ENOX2: variants seen among roughly 807,000 people sequenced by gnomAD.
The protein encoded by ENOX2 is ecto-NOX disulfide-thiol exchanger 2, also known as APK1 antigen.
In ENOX2, 36 loss-of-function variants were observed where a neutral mutation model predicts 45.0. The ratio of observed to expected loss-of-function variants is 0.80; its 90% CI spans 0.61 to 1.06. The LOEUF (loss-of-function observed/expected upper bound fraction) is 1.06, where lower values mean the gene tolerates loss of function less well. Among genes scored for constraint, ENOX2 ranks in the 50% least tolerant of loss-of-function variants. The pLI is 0.00. For synonymous variants in ENOX2, 174 were observed against 152.3 expected (o/e 1.14, Z -1.05); for missense variants, 423 against 462.5 (o/e 0.91, Z 0.78).
At chrX:130,811,144 C>G (rs548934066) in intron 2 of ENOX2, among the ~76,000 whole-genome samples, 39 of 111,072 alleles carry the variant, frequency 3.5e-4, no homozygotes, top group Non-Finnish European at 6.8e-4. Context: ...CATGAGTGGT[C>G]GCAGGTACTA....
At chrX:130,770,414 G>C (rs757597550) in intron 3 of ENOX2, among the ~76,000 whole-genome samples, 4 of 111,883 alleles carry the variant, frequency 3.6e-5, no homozygotes, top group Non-Finnish European at 5.6e-5. Context: ...AATGACTAGA[G>C]AATCTACAAA....
chrX:130,767,072 T>C (rs1031638177), intron 3 of ENOX2, among the ~76,000 whole-genome samples: 2 of 111,621 alleles, frequency 1.8e-5, no homozygotes, highest in African/African-American at 6.5e-5. Flanking sequence ...GGCAGTAAAC[T>C]ATATGTTTAG....
chrX:130,732,993 C>T (rs1370487506), intron 3 of ENOX2, among the ~76,000 whole-genome samples: 4 of 111,906 alleles, frequency 3.6e-5, no homozygotes, highest in Middle Eastern at 4.6e-3. Context: ...CACCAAAGCA[C>T]GTGTAACAAA....
chrX:130,826,728 A>T (rs969631723), intron 2 of ENOX2, among the ~76,000 whole-genome samples: 1 of 112,258 alleles, frequency 8.9e-6, no homozygotes, highest in African/African-American at 3.2e-5. Context: ...CAGTGAAGGA[A>T]GAAAATCCTA....
chrX:130,799,232 G>A (rs923058806), intron 2 of ENOX2, among the ~76,000 whole-genome samples: 2 of 111,560 alleles, frequency 1.8e-5, no homozygotes, highest in African/African-American at 6.5e-5. Context: ...TCTTTCTCCT[G>A]TACTGGATGC....
At chrX:130,791,872 T>C (rs1429167869) in intron 2 of ENOX2, among the ~76,000 whole-genome samples, 1 of 112,241 alleles carries the variant, frequency 8.9e-6, no homozygotes, top group African/African-American at 3.2e-5. Flanking sequence ...ACCAAGACCG[T>C]TACCTGAGAG....
intron 3 of ENOX2, among the ~76,000 whole-genome samples, chrX:130,768,793 T>C (rs754464931): frequency 1.8e-5 from 2 of 111,719 alleles, no homozygotes; most frequent in East Asian, 2.8e-4. Flanking sequence ...AGAACAATTG[T>C]GAGAAATGAT....
chrX:130,883,322 G>A (rs905512912), intron 2 of ENOX2, among the ~76,000 whole-genome samples: 3 of 110,996 alleles, frequency 2.7e-5, no homozygotes, highest in African/African-American at 9.8e-5. Flanking sequence ...CGTTGGCCAC[G>A]CTGGACTCGA....
intron 3 of ENOX2, among the ~76,000 whole-genome samples, chrX:130,779,845 C>G (rs2148389444): frequency 9.0e-6 from 1 of 111,361 alleles, no homozygotes; most frequent in East Asian, 2.8e-4. Flanking sequence ...TATATATACA[C>G]AAACTCATAA....
chrX:130,831,641 G>T (rs1282237796), intron 2 of ENOX2, among the ~76,000 whole-genome samples: 1 of 111,336 alleles, frequency 9.0e-6, no homozygotes, highest in Non-Finnish European at 1.9e-5. Flanking sequence ...CTTTCTCATA[G>T]AAACCTTTTT....
intron 2 of ENOX2, among the ~76,000 whole-genome samples, chrX:130,870,911 A>AGAGGGAGAGG (rs1253756284): frequency 9.4e-6 from 1 of 106,427 alleles, no homozygotes; most frequent in East Asian, 3.0e-4. Flanking sequence ...GGAGGGAGAG[A>AGAGGGAGAGG]GAGGGAGAGG....
intron 5 of ENOX2, among the ~76,000 whole-genome samples, chrX:130,687,861 T>A (rs1235185387): frequency 1.8e-5 from 2 of 112,205 alleles, no homozygotes; most frequent in African/African-American, 6.5e-5. Flanking sequence ...CCATACTAAG[T>A]AAAATCTGGG....
chrX:130,803,052 T>G (rs910830873), intron 2 of ENOX2, among the ~76,000 whole-genome samples: 2 of 112,058 alleles, frequency 1.8e-5, no homozygotes, highest in Non-Finnish European at 3.8e-5. Flanking sequence ...CTGCAGTTTC[T>G]AGACTCCTTC....
intron 3 of ENOX2, among the ~76,000 whole-genome samples, chrX:130,753,646 T>C (rs768780453): frequency 8.9e-6 from 1 of 112,203 alleles, no homozygotes; most frequent in South Asian, 3.7e-4. Context: ...CATGCCTGAC[T>C]TTTATTTCCA....
At chrX:130,726,281 T>TGTA (rs2038602813) in intron 3 of ENOX2, among the ~76,000 whole-genome samples, 1 of 112,005 alleles carries the variant, frequency 8.9e-6, no homozygotes, top group African/African-American at 3.2e-5. Context: ...CCCTTTCCCT[T>TGTA]ATGAGATTTC....
rs149205281 is a variant in ENOX2 at position 130,637,713 on chromosome X, A to T, written c.1130-303T>A. Among the ~76,000 whole-genome samples the T allele has an allele frequency of 8.8e-3, 981 of 111,966 alleles. 12 individuals carry two copies. Among genetic ancestry groups the T allele is most frequent in the African/African-American group, 0.03 (930 of 30,841 alleles). Reference sequence around the variant, plus strand: ...AACAGCCCTATAATAATAATATAGGACCAATTCCCTTGAACTGACAACTGC... The same window carrying T: ...AACAGCCCTATAATAATAATATAGGTCCAATTCCCTTGAACTGACAACTGC... On this transcript the variant is annotated intron_variant, in intron 10 of 14. Coordinates refer to ENST00000394363, the MANE Select transcript of ENOX2 (RefSeq NM_006375.4).
At chrX:130,738,243 C>A (rs1220326081) in intron 3 of ENOX2, among the ~76,000 whole-genome samples, 2 of 112,332 alleles carry the variant, frequency 1.8e-5, no homozygotes, top group African/African-American at 6.5e-5. Flanking sequence ...TGGAAACTTA[C>A]TGTGCTAAAA....
Position 130,742,109 on chromosome X carries a change from G to A in ENOX2, c.-38-38855C>T, listed in dbSNP as rs73635946. Among the ~76,000 whole-genome samples, 534 of 110,626 alleles carry A rather than the reference G, an allele frequency of 4.8e-3. 5 individuals carry two copies. The highest frequency in any genetic ancestry group is 0.017 in the African/African-American group (515 of 30,445). On this transcript the variant is annotated intron_variant, in intron 3 of 14. Transcript: ENST00000394363. ...AAGGGGAAACTCAGATTCTAAAAAC[G>A]ACAGCTTGCTGAGCTTGCTGGCTGT... is the stretch of plus-strand genomic sequence containing the variant.
chrX:130,751,898 T>C (rs1408984394), intron 3 of ENOX2, among the ~76,000 whole-genome samples: 1 of 112,149 alleles, frequency 8.9e-6, no homozygotes, highest in Non-Finnish European at 1.9e-5. Flanking sequence ...TTAGCCTATG[T>C]TTTGATTGAG....
Sources: allele counts gnomAD v4.1 joint callset (sites outside exome capture counted in the v4.1 genomes callset), GRCh38; gene constraint gnomAD v4.1.1; transcripts MANE v1.5; gene names NCBI Gene and HGNC (gene_info 2026-07-23, HGNC 2026-07-21).